The following MDM4 variants were observed in gnomAD, a reference collection of about 807,000 sequenced individuals.
MDM4 encodes MDM4 regulator of p53.
A neutral mutation model predicts 60.2 loss-of-function variants in MDM4; 2 were observed. The ratio of observed to expected loss-of-function variants is 0.03; its 90% CI spans 0.01 to 0.10. The LOEUF is 0.10. Ranked by LOEUF, MDM4 falls within the 10% of genes least tolerant of loss-of-function variation. MDM4 has a pLI of 1.00. For missense variants in MDM4, 447 were observed against 577.5 expected, an observed-to-expected ratio of 0.77 and a Z score of 2.32; for synonymous variants, 202 against 198.1, an observed-to-expected ratio of 1.02 and a Z score of -0.17.
intron 2 of MDM4, 83 bp from the exon 3 acceptor site, chr1:204,526,277 C>T: frequency 3.4e-6 from 4 of 1,177,716 alleles, no homozygotes; most frequent in Non-Finnish European, 2.5e-6. Context: ...GCGGGGGGAG[C>T]TGTTTAAAGA....
At position 204,551,187 on chromosome 1, in the gene MDM4, C is replaced by T. The variant is rs889961666; in HGVS notation, c.*1505C>T. ...CCTCCCAAGTAGCTGGGTCTATAGG[C>T]GCGTGCCACCACCATGCCCAGCTGA... On this transcript the variant is annotated 3_prime_UTR_variant, in exon 11 of 11. Transcript: ENST00000367182. 1.0e-5 allele frequency: 2 copies of T among 197,082 alleles called. No individual in the cohort carries two copies. The highest frequency in any genetic ancestry group is 4.6e-5 in the African/African-American group (2 of 43,150). The allele number at this position is 197,082 out of a possible 1,614,324, so 12.2% of individuals were successfully genotyped here.
intron 7 of MDM4, among the ~76,000 whole-genome samples, chr1:204,538,982 G>A (rs527912890): frequency 4.0e-5 from 6 of 150,000 alleles, no homozygotes; most frequent in African/African-American, 1.5e-4. Flanking sequence ...CCATTCTCCT[G>A]CCTCAGCCTC....
chr1:204,535,360 T>C (rs1340491435), intron 5 of MDM4, among the ~76,000 whole-genome samples: 1 of 151,844 alleles, frequency 6.6e-6, no homozygotes, highest in Non-Finnish European at 1.5e-5. Context: ...GGTTTCACCG[T>C]GTTAGCCAGG....
chr1:204,531,572 G>A (rs1367362428), intron 4 of MDM4, among the ~76,000 whole-genome samples: 2 of 152,168 alleles, frequency 1.3e-5, no homozygotes, highest in African/African-American at 2.4e-5. Flanking sequence ...GCTCAAGCCT[G>A]TAATTCCAGC....
rs576173859 is a variant in MDM4 at position 204,537,999 on chromosome 1, T to A, written c.412-210T>A. 4 of 757,726 alleles carry A rather than the reference T, an allele frequency of 5.3e-6. No individual in the cohort carries two copies. The East Asian group carries it at 1.0e-4, about 19-fold the overall frequency. The allele number at this position is 757,726 out of a possible 1,614,324, so 46.9% of individuals were successfully genotyped here. On this transcript the variant is annotated intron_variant, in intron 6 of 10. Coordinates refer to ENST00000367182, the MANE Select transcript of MDM4 (RefSeq NM_002393.5). ...TTTGGCCTTTGTGCAGAGGTTTTTT[T>A]TCCCCCCAGGTTTGGGATTCTTCTA...
At position 204,553,391 on chromosome 1, in the gene MDM4, C is replaced by T. The variant is rs552946751; in HGVS notation, c.*3709C>T. On this transcript the variant is annotated 3_prime_UTR_variant, in exon 11 of 11. Transcript: ENST00000367182. ...GTTTTCTGGAGACTGCCAAATTGCT[C>T]CCATTTTTCTGCATCCCACCTGGTT... The T allele has an allele frequency of 4.4e-6, 1 of 225,874 alleles. No homozygotes were observed. Among genetic ancestry groups the T allele is most frequent in the East Asian group, 6.4e-5 (1 of 15,626 alleles). 14.0% of individuals were successfully genotyped at this position (225,874 alleles called of 1,614,324 possible). A position where few individuals can be genotyped will look rare whatever the true frequency, so the allele number is the denominator to read the frequency against.
At chr1:204,542,565 G>A (rs910053090) in intron 7 of MDM4, among the ~76,000 whole-genome samples, 3 of 151,742 alleles carry the variant, frequency 2.0e-5, no homozygotes, top group African/African-American at 4.8e-5. Context: ...CTTGATAAAC[G>A]ATGATCTGTT....
At chr1:204,534,322 G>T (rs1018882846) in intron 5 of MDM4, among the ~76,000 whole-genome samples, 1 of 152,226 alleles carries the variant, frequency 6.6e-6, no homozygotes, top group East Asian at 1.9e-4. Context: ...GTCACTAAAG[G>T]TTTGAGATAC....
intron 9 of MDM4, 139 bp from the exon 10 acceptor site, chr1:204,546,658 T>C: frequency 1.7e-6 from 1 of 589,854 alleles, no homozygotes; most frequent in Non-Finnish European, 3.0e-6. Flanking sequence ...TGGTCTTGCA[T>C]TTAAGCTGTC....
chr1:204,549,090 A>C (rs745874826), intron 10 of MDM4, 23 bp from the exon 11 acceptor site: 104 of 1,452,250 alleles, frequency 7.2e-5, no homozygotes, highest in Non-Finnish European at 9.3e-5. Context: ...CTGAGTATTA[A>C]TTGGCTTCAC....
chr1:204,523,549 T>A (rs1659801653), intron 1 of MDM4, among the ~76,000 whole-genome samples: 1 of 126,836 alleles, frequency 7.9e-6, no homozygotes, highest in Non-Finnish European at 1.6e-5. Flanking sequence ...AGTGGCACAG[T>A]CTTGGCTCAC....
intron 5 of MDM4, 135 bp downstream of exon 5, chr1:204,532,381 TCA>T: frequency 1.5e-6 from 1 of 646,140 alleles, no homozygotes. Flanking sequence ...ATACTACCTG[TCA>T]CACAGAATGT....
rs144301924 is a variant in MDM4 at position 204,540,634 on chromosome 1, G to T, written c.512-2150G>T. 3.0e-3 allele frequency among the ~76,000 whole-genome samples: 449 copies of T among 151,960 alleles called. 1 individual carries two copies. The highest frequency in any genetic ancestry group is 9.8e-3 in the African/African-American group (408 of 41,436). The stretch of plus-strand genomic sequence containing the variant: ...AAAAATTAGCCGGACATGGTGGCAG[G>T]CGCCTGTAATCCCAGCTACTCGGGA... On this transcript the variant is annotated intron_variant, in intron 7 of 10. Coordinates refer to ENST00000367182, the MANE Select transcript of MDM4 (RefSeq NM_002393.5).
In MDM4 at chr1:204,532,243, A is replaced by G. The variant is rs1050390379; in HGVS notation, c.340A>G (p.Thr114Ala). The G allele has an allele frequency of 4.4e-6, 7 of 1,585,802 alleles. No individual in the cohort carries two copies. The highest frequency in any genetic ancestry group is 2.2e-5 in the South Asian group (2 of 90,288). ...KNLVTLATAT[T>A]DAAQTLALAQ... ...TCTTGTCACTTTAGCCACTGCTACTACAGGTATGTCACATCATATTTCTTC... is the reference window on the plus strand; with the variant it reads ...TCTTGTCACTTTAGCCACTGCTACTGCAGGTATGTCACATCATATTTCTTC... Residue 114 changes from threonine to alanine, a missense_variant, in exon 5 of 11, where the codon ACA becomes GCA. Thr to Ala is a moderately conservative substitution (Grantham distance 58, BLOSUM62 0). This residue lies in a region of MDM4 where 23 missense variants were observed against 22.1 expected (regional missense o/e 1.04). Coordinates refer to ENST00000367182, the MANE Select transcript of MDM4 (RefSeq NM_002393.5).
intron 8 of MDM4, among the ~76,000 whole-genome samples, chr1:204,544,212 A>T (rs1015741459): frequency 3.3e-5 from 5 of 152,178 alleles, no homozygotes; most frequent in African/African-American, 1.2e-4. Flanking sequence ...TGTAGAAGGG[A>T]ATTTAGGGAA....
At chr1:204,542,397 G>C (rs544247943) in intron 7 of MDM4, among the ~76,000 whole-genome samples, 272 of 152,290 alleles carry the variant, frequency 1.8e-3, no homozygotes, top group Non-Finnish European at 3.3e-3. Context: ...CTATGTACTA[G>C]AGCAAGTAAT....
chr1:204,531,331 A>T (rs1448269331), intron 4 of MDM4, among the ~76,000 whole-genome samples: 2 of 152,174 alleles, frequency 1.3e-5, no homozygotes, highest in African/African-American at 2.4e-5. Context: ...AGCAGATGAG[A>T]GAAATGTAGA....
intron 1 of MDM4, among the ~76,000 whole-genome samples, chr1:204,520,722 A>G (rs559713179): frequency 2.6e-5 from 4 of 152,190 alleles, no homozygotes; most frequent in African/African-American, 9.6e-5. Flanking sequence ...CAAAAAATAA[A>G]AAAATTAGCC....
In MDM4 at chr1:204,556,780, C is replaced by T. The variant is rs1028329532; in HGVS notation, c.*7098C>T. 3 of 213,784 alleles carry T rather than the reference C, an allele frequency of 1.4e-5. No homozygotes were observed. The highest frequency in any genetic ancestry group is 2.8e-5 in the Non-Finnish European group (3 of 105,828). 13.2% of individuals were successfully genotyped at this position (213,784 alleles called of 1,614,324 possible). ...TTTTCACTTTCTTTTCAATGAGAAT[C>T]GAAGTGTTTCTTTTGGGTTTTTTTT... On this transcript the variant is annotated 3_prime_UTR_variant, in exon 11 of 11. Transcript: ENST00000367182.
Sources: allele counts gnomAD v4.1 joint callset (sites outside exome capture counted in the v4.1 genomes callset), GRCh38; gene constraint gnomAD v4.1.1; regional missense constraint gnomAD v4.1.1; transcripts MANE v1.5; gene names NCBI Gene and HGNC (gene_info 2026-07-23, HGNC 2026-07-21).